Variants in CEP170B observed in about 807,000 individuals in gnomAD.
CEP170B encodes centrosomal protein 170B.
Under a neutral mutation model 120.6 loss-of-function variants are expected in CEP170B, and 55 were observed. That is an observed-to-expected ratio of 0.46 (90% confidence interval 0.37 to 0.57). The LOEUF is 0.57. CEP170B is among the 20% of genes least tolerant of loss of function. The probability of loss-of-function intolerance (pLI) is 0.00; values close to 1 mark genes in which losing one functional copy is unlikely to be tolerated. For missense variants in CEP170B, 2,212 were observed against 2,253.3 expected, an observed-to-expected ratio of 0.98 and a Z score of 0.37; for synonymous variants, 1,033 against 954.5, an observed-to-expected ratio of 1.08 and a Z score of -1.52.
At position 104,889,774 on chromosome 14, in the gene CEP170B, A is replaced by G; in HGVS notation, c.3878+16A>G. 1.3e-6 allele frequency: 2 copies of G among 1,593,300 alleles called. No individual in the cohort carries two copies. The highest frequency in any genetic ancestry group is 1.7e-6 in the Non-Finnish European group (2 of 1,165,510). On this transcript the variant is annotated intron_variant, in intron 13 of 18. Coordinates refer to ENST00000414716, the MANE Select transcript of CEP170B (RefSeq NM_001112726.3). ...AGATTGCCAGGTGAGTAGCCCATTC[A>G]GAGTAAATCCACTGGGTGCCAGTGC...
In CEP170B at chr14:104,870,021, C is replaced by T. The variant is rs911215900; in HGVS notation, c.105+1466C>T. 6.6e-6 allele frequency among the ~76,000 whole-genome samples: 1 copy of T among 152,234 alleles called. No individual in the cohort carries two copies. Among genetic ancestry groups the T allele is most frequent in the African/African-American group, 2.4e-5 (1 of 41,452 alleles). On this transcript the variant is annotated intron_variant, in intron 2 of 18. Transcript: ENST00000414716. This position sits in a 1 kb window ranked among gnomAD's most constrained non-coding sequence, Gnocchi z 4.1. ...GGCTCTGAAGTTCTTTAATCTGGAA[C>T]ATTCTCTCCCTTTTTTCTCTTTTCT...
chr14:104,877,297 G>C (rs1895905537), intron 3 of CEP170B, among the ~76,000 whole-genome samples: 1 of 152,226 alleles, frequency 6.6e-6, no homozygotes, highest in Non-Finnish European at 1.5e-5. Flanking sequence ...CCCCGGGGTT[G>C]TTGGCCTGGG....
At position 104,873,442 on chromosome 14, in the gene CEP170B, T is replaced by C. The variant is rs113219160; in HGVS notation, c.106-2814T>C. Among the ~76,000 whole-genome samples, 1,141 of 151,586 alleles carry C rather than the reference T, an allele frequency of 7.5e-3. 19 individuals carry two copies. Among genetic ancestry groups the C allele is most frequent in the African/African-American group, 0.025 (1,052 of 41,266 alleles). ...GTGGCCTGGGTGGGGTAAGGAAGGT[T>C]TGGAGAGGCTTTGGGGCCTGCGGGA... On this transcript the variant is annotated intron_variant, in intron 2 of 18. Coordinates refer to ENST00000414716, the MANE Select transcript of CEP170B (RefSeq NM_001112726.3).
chr14:104,884,564 C>A lies in CEP170B; in HGVS notation c.1770+15C>A. The A allele has an allele frequency of 6.6e-7, 1 of 1,506,048 alleles. No individual in the cohort carries two copies. The highest frequency in any genetic ancestry group is 1.2e-5 in the South Asian group (1 of 80,442). The allele number at this position is 1,506,048 out of a possible 1,614,324, so 93.3% of individuals were successfully genotyped here. On this transcript the variant is annotated intron_variant, in intron 9 of 18. Coordinates refer to ENST00000414716, the MANE Select transcript of CEP170B (RefSeq NM_001112726.3). ...TGATCGACCAGGTGCAGCCCAGCGGCGAGTGAGAGCCCTCGTGGGGAACGG... is the reference window on the plus strand; with the variant it reads ...TGATCGACCAGGTGCAGCCCAGCGGAGAGTGAGAGCCCTCGTGGGGAACGG...
At chr14:104,869,612 A>T (rs1187623446) in intron 2 of CEP170B, among the ~76,000 whole-genome samples, 2 of 152,088 alleles carry the variant, frequency 1.3e-5, no homozygotes, top group Non-Finnish European at 2.9e-5. Flanking sequence ...CTTCATTTCC[A>T]GCGTGGTAGC....
At position 104,895,114 on chromosome 14, in the gene CEP170B, G is replaced by C. The variant is rs551280656; in HGVS notation, c.*156G>C. On this transcript the variant is annotated 3_prime_UTR_variant, in exon 19 of 19. Coordinates refer to ENST00000414716, the MANE Select transcript of CEP170B (RefSeq NM_001112726.3). ...GTGCCTCCCACGCCCTTGCCCCCTC[G>C]TCAGCTCCCAGCCAGCACCCTACTC... is the stretch of plus-strand genomic sequence containing the variant. 4.4e-5 allele frequency: 36 copies of C among 819,536 alleles called. No homozygotes were observed. The highest frequency in any genetic ancestry group is 6.4e-5 in the Non-Finnish European group (35 of 546,158). The allele number at this position is 819,536 out of a possible 1,614,324, so 50.8% of individuals were successfully genotyped here.
chr14:104,879,486 T>A (rs1896029657), intron 5 of CEP170B, among the ~76,000 whole-genome samples: 1 of 152,132 alleles, frequency 6.6e-6, no homozygotes, highest in Non-Finnish European at 1.5e-5. Flanking sequence ...GGTCTTAGGC[T>A]GAGGGTTTAT....
Position 104,887,010 on chromosome 14 carries a change from T to G in CEP170B, c.2771T>G (p.Leu924Arg). ...GAGACGGAGACGGCCCTGGCGGCCC[T>G]GGAGGCCCGACTCCTCTCTAATTCT... is the stretch of plus-strand genomic sequence containing the variant. Reference protein sequence around the residue: ...LKETETALAALEARLLSNSVD... With the variant: ...LKETETALAAREARLLSNSVD... The change falls in exon 12 of 19, where the codon CTG becomes CGG. Residue 924 changes from leucine (L) to arginine (R), a missense_variant. By Grantham distance (102) the Leu-to-Arg change is moderately radical. This residue lies in a region of CEP170B where 2,166 missense variants were observed against 2,166.7 expected (regional missense o/e 1.00). Transcript: ENST00000414716. 1 of 1,610,226 alleles carries G rather than the reference T, an allele frequency of 6.2e-7. No individual in the cohort carries two copies. Among genetic ancestry groups the G allele is most frequent in the Non-Finnish European group, 8.5e-7 (1 of 1,179,792 alleles).
Position 104,877,872 on chromosome 14 carries a change from T to A in CEP170B, c.196-13T>A. 1.6e-4 allele frequency: 101 copies of A among 645,530 alleles called. No homozygotes were observed. The highest frequency in any genetic ancestry group is 1.9e-4 in the Non-Finnish European group (94 of 504,262). 40.0% of individuals were successfully genotyped at this position (645,530 alleles called of 1,614,324 possible). On this transcript the variant is annotated splice_polypyrimidine_tract_variant and intron_variant, in intron 3 of 18. Transcript: ENST00000414716. The stretch of plus-strand genomic sequence containing the variant: ...CAGCTCCCCCCCCCCCCCCGCCACC[T>A]GTTTTCCTGCAGACGTTTGTGAATG...
At chr14:104,865,244 CG>C (rs1215608290), upstream of CEP170B, 1 of 111,216 alleles carries the variant, frequency 9.0e-6, no homozygotes, top group Non-Finnish European at 2.0e-5. This position sits in a 1 kb window ranked among gnomAD's most constrained non-coding sequence, Gnocchi z 6.7. Context: ...CGGGGCGTTC[CG>C]GGGGCGGGGC....
At chr14:104,877,354 G>T (rs1895907914) in intron 3 of CEP170B, among the ~76,000 whole-genome samples, 1 of 152,192 alleles carries the variant, frequency 6.6e-6, no homozygotes, top group South Asian at 2.1e-4. Flanking sequence ...TGCATGGTTG[G>T]CTACTTCTGA....
chr14:104,872,370 T>C lies in CEP170B; in HGVS notation c.105+3815T>C, dbSNP rs1319997437. On this transcript the variant is annotated intron_variant, in intron 2 of 18. Coordinates refer to ENST00000414716, the MANE Select transcript of CEP170B (RefSeq NM_001112726.3). ...TGTGCGTGTGTGTGCCGCGTGTGTGTGCCATGGGTGTGCATGTGTGCCGTG... is the reference window on the plus strand; with the variant it reads ...TGTGCGTGTGTGTGCCGCGTGTGTGCGCCATGGGTGTGCATGTGTGCCGTG... Among the ~76,000 whole-genome samples the C allele has an allele frequency of 5.0e-5, 4 of 80,694 alleles. 1 individual carries two copies. The highest frequency in any genetic ancestry group is 1.5e-4 in the Admixed American group (1 of 6,564). The allele number at this position is 80,694 out of a possible 152,430, so 52.9% of individuals were successfully genotyped here.
Position 104,886,316 on chromosome 14 carries a change from C to G in CEP170B, c.2077C>G (p.Leu693Val). ...GRRGGEPEGS[L>V]PVRMRRRLPQ... ...TAGAGGCGGGGAGCCGGAGGGGTCC[C>G]TGCCTGTGCGCATGCGGCGACGGCT... Residue 693 changes from leucine to valine, a missense_variant, in exon 12 of 19, where the codon CTG becomes GTG. Leu to Val is a conservative substitution (Grantham distance 32). Transcript: ENST00000414716. The G allele has an allele frequency of 1.3e-6, 2 of 1,548,252 alleles. No individual in the cohort carries two copies. The highest frequency in any genetic ancestry group is 8.7e-7 in the Non-Finnish European group (1 of 1,151,654).
chr14:104,893,323 G>A (rs1896940663), intron 14 of CEP170B, among the ~76,000 whole-genome samples, 188 bp downstream of exon 14: 1 of 152,234 alleles, frequency 6.6e-6, no homozygotes, highest in African/African-American at 2.4e-5. Context: ...TGGGGCGCTC[G>A]TGGCACCTGA....
intron 13 of CEP170B, among the ~76,000 whole-genome samples, chr14:104,890,429 AGTGAGTGGGTGGATGG>A (rs1566873202): frequency 1.7e-5 from 1 of 58,788 alleles, no homozygotes; most frequent in East Asian, 6.1e-4. Context: ...TGAATGGATG[AGTGAGTGGGTGGATGG>A]GTGAGTGGGT....
At position 104,896,408 on chromosome 14, in the gene CEP170B, G is replaced by A. The variant is rs895209903; in HGVS notation, c.*1450G>A. On this transcript the variant is annotated 3_prime_UTR_variant, in exon 19 of 19. Transcript: ENST00000414716. ...GTCTGTATGGAGGAGGTGCTAGCCC[G>A]GTCCACCGGGCTGCTGCCCACCCCT... The A allele has an allele frequency of 7.9e-5, 29 of 365,298 alleles. No individual in the cohort carries two copies. The highest frequency in any genetic ancestry group is 1.5e-4 in the Non-Finnish European group (28 of 183,114). The allele number at this position is 365,298 out of a possible 1,614,324, so 22.6% of individuals were successfully genotyped here.
rs546734195 is a variant in CEP170B at position 104,876,534 on chromosome 14, T to C, written c.195+189T>C. 2.1e-5 allele frequency among the ~76,000 whole-genome samples: 3 copies of C among 142,082 alleles called. No homozygotes were observed. The East Asian group carries it at 6.3e-4, about 30-fold the overall frequency. The allele number at this position is 142,082 out of a possible 152,430, so 93.2% of individuals were successfully genotyped here. A position where few individuals can be genotyped will look rare whatever the true frequency, so the allele number is the denominator to read the frequency against. On this transcript the variant is annotated intron_variant, in intron 3 of 18. Transcript: ENST00000414716. ...AGCCCTGGCCCCTCCTTCTCAGCTC[T>C]GGCTCCTCCCCCAGCCCTGGCCCCT...
At position 104,885,414 on chromosome 14, in the gene CEP170B, G is replaced by T; in HGVS notation, c.1816G>T (p.Ala606Ser). The change falls in exon 10 of 19, where the codon GCC becomes TCC. Residue 606 changes from alanine to serine, a missense_variant. Physicochemically the swap from Ala to Ser is moderately conservative, Grantham distance 99. Transcript: ENST00000414716. ...ESPELSRASS[A>S]TFRPVIRGDR... ...CCCTGAACTCTCCAGGGCATCTTCG[G>T]CCACCTTTCGCCCAGTCATCAGAGG... 1 of 1,566,794 alleles carries T rather than the reference G, an allele frequency of 6.4e-7. No individual in the cohort carries two copies. The highest frequency in any genetic ancestry group is 8.6e-7 in the Non-Finnish European group (1 of 1,156,346).
chr14:104,869,102 G>A (rs1487397053), intron 2 of CEP170B, among the ~76,000 whole-genome samples: 1 of 152,200 alleles, frequency 6.6e-6, no homozygotes, highest in African/African-American at 2.4e-5. Flanking sequence ...ACTGACAATC[G>A]GAAGTTTCTC....
Sources: allele counts gnomAD v4.1 joint callset (sites outside exome capture counted in the v4.1 genomes callset), GRCh38; gene constraint gnomAD v4.1.1; regional missense constraint gnomAD v4.1.1; non-coding constraint Gnocchi (gnomAD v3.1); transcripts MANE v1.5; gene names NCBI Gene and HGNC (gene_info 2026-07-23, HGNC 2026-07-21).